Variants in RPS6KA5 observed in about 807,000 individuals in gnomAD.
RPS6KA5 encodes ribosomal protein S6 kinase alpha-5.
In RPS6KA5, 27 loss-of-function variants were observed where a neutral mutation model predicts 85.5. The ratio of observed to expected loss-of-function variants is 0.32; its 90% CI spans 0.23 to 0.44. RPS6KA5 has a LOEUF of 0.44. Ranked by LOEUF, RPS6KA5 falls within the 20% of genes least tolerant of loss-of-function variation. The pLI, the probability that RPS6KA5 is intolerant of heterozygous loss-of-function variation, is 1.00. For synonymous variants in RPS6KA5, 334 were observed against 348.2 expected, an observed-to-expected ratio of 0.96 and a Z score of 0.46; for missense variants, 811 against 980.9, an observed-to-expected ratio of 0.83 and a Z score of 2.31.
At chr14:90,975,631 T>C (rs1416514449) in intron 3 of RPS6KA5, among the ~76,000 whole-genome samples, 1 of 152,190 alleles carries the variant, frequency 6.6e-6, no homozygotes. Flanking sequence ...CAGCCTCCAG[T>C]ACTGTGAGAA....
rs1461010528 is a variant in RPS6KA5, at chr14:90,923,194, A to T, written c.621T>A (p.Thr207=). 8.7e-6 allele frequency: 14 copies of T among 1,610,696 alleles called. No homozygotes were observed. Among genetic ancestry groups the T allele is most frequent in the Non-Finnish European group, 7.6e-6 (9 of 1,177,620 alleles). Residue 207 remains threonine (T), a splice_region_variant and synonymous_variant, in exon 6 of 17, where the codon ACT becomes ACA. Coordinates refer to ENST00000614987, the MANE Select transcript of RPS6KA5 (RefSeq NM_004755.4). ...GLSKEFVADE[T]ERAYSFCGTI... ...TTCCACAAAAGGAATATGCTCTTTC[A>T]GTCTTGAACAAACAAACAAAAAAGG...
intron 2 of RPS6KA5, among the ~76,000 whole-genome samples, chr14:90,999,600 G>A (rs1354016410): frequency 6.6e-6 from 1 of 152,224 alleles, no homozygotes; most frequent in Admixed American, 6.5e-5. Flanking sequence ...AGCGGTGGCT[G>A]CAGAGCAACA....
intron 1 of RPS6KA5, among the ~76,000 whole-genome samples, chr14:91,045,859 C>T (rs182188635): frequency 2.0e-5 from 3 of 152,254 alleles, no homozygotes; most frequent in Admixed American, 2.0e-4. Context: ...CTTCTCAGCC[C>T]CATTTCCTGT....
intron 1 of RPS6KA5, among the ~76,000 whole-genome samples, chr14:91,026,263 C>G (rs918986929): frequency 6.6e-6 from 1 of 152,102 alleles, no homozygotes; most frequent in African/African-American, 2.4e-5. Context: ...TTTGTTCTCA[C>G]TCTGTTGCCC....
rs1673618576 is a variant in RPS6KA5 at position 90,858,282 on chromosome 14, A to G, written c.*13792T>C. 6.6e-6 allele frequency: 1 copy of G among 152,224 alleles called. No individual in the cohort carries two copies. The highest frequency in any genetic ancestry group is 2.4e-5 in the African/African-American group (1 of 41,466). 9.4% of individuals were successfully genotyped at this position (152,224 alleles called of 1,614,324 possible). A position where few individuals can be genotyped will look rare whatever the true frequency, so the allele number is the denominator to read the frequency against. ...GTTATTTCTAAACAGATCTAGTATC[A>G]GAAGCATCTGAATCATCAAAATCAT... On this transcript the variant is annotated 3_prime_UTR_variant, in exon 17 of 17. Coordinates refer to ENST00000614987, the MANE Select transcript of RPS6KA5 (RefSeq NM_004755.4).
At chr14:91,030,472 T>C (rs2042140762) in intron 1 of RPS6KA5, among the ~76,000 whole-genome samples, 2 of 151,524 alleles carry the variant, frequency 1.3e-5, no homozygotes, top group South Asian at 4.2e-4. Flanking sequence ...GAGCTCCCGG[T>C]GAAAAACTAT....
At chr14:90,913,914 A>G (rs2035965712) in intron 7 of RPS6KA5, among the ~76,000 whole-genome samples, 1 of 152,220 alleles carries the variant, frequency 6.6e-6, no homozygotes, top group South Asian at 2.1e-4. Context: ...AGAGGCAGAG[A>G]GCAGCAGTCA....
At chr14:91,034,951 G>C (rs2042340014) in intron 1 of RPS6KA5, among the ~76,000 whole-genome samples, 1 of 152,008 alleles carries the variant, frequency 6.6e-6, no homozygotes, top group Admixed American at 6.6e-5. Context: ...TGCTGGTTTA[G>C]AGGTGTTCAC....
chr14:90,875,823 G>A (rs947544439), intron 14 of RPS6KA5, among the ~76,000 whole-genome samples: 16 of 146,114 alleles, frequency 1.1e-4, no homozygotes, highest in African/African-American at 4.0e-4. Context: ...AACACCACAT[G>A]TTCTCACTCA....
intron 1 of RPS6KA5, among the ~76,000 whole-genome samples, chr14:91,024,947 T>A (rs1290699633): frequency 6.6e-6 from 1 of 152,122 alleles, no homozygotes; most frequent in African/African-American, 2.4e-5. Context: ...AGTGGTGTGA[T>A]CTCAGCTCAC....
rs1404322469 is a variant in RPS6KA5, at chr14:90,860,038, A to AC, written c.*12035dup. The AC allele has an allele frequency of 2.6e-5, 4 of 152,202 alleles. No homozygotes were observed. The highest frequency in any genetic ancestry group is 5.9e-5 in the Non-Finnish European group (4 of 68,038). The allele number at this position is 152,202 out of a possible 1,614,324, so 9.4% of individuals were successfully genotyped here. ...GACAGGTTGATGGGTGCAGCAAACC[A>AC]CCAGGGCACGTGTATACCTATGTAA... On this transcript the variant is annotated 3_prime_UTR_variant, in exon 17 of 17. Coordinates refer to ENST00000614987, the MANE Select transcript of RPS6KA5 (RefSeq NM_004755.4).
chr14:90,927,453 A>G (rs2036734228), intron 5 of RPS6KA5, among the ~76,000 whole-genome samples: 1 of 152,172 alleles, frequency 6.6e-6, no homozygotes, highest in African/African-American at 2.4e-5. Context: ...TATGTTATTT[A>G]TAAAAGGCAC....
chr14:91,024,970 C>T (rs2041931310), intron 1 of RPS6KA5, among the ~76,000 whole-genome samples: 1 of 152,056 alleles, frequency 6.6e-6, no homozygotes, highest in African/African-American at 2.4e-5. Context: ...CAACCTCTGC[C>T]TCCTGGGTTG....
intron 1 of RPS6KA5, among the ~76,000 whole-genome samples, chr14:91,041,195 C>G (rs567545742): frequency 6.6e-6 from 1 of 152,312 alleles, no homozygotes; most frequent in South Asian, 2.1e-4. Context: ...GTGCAAAGCA[C>G]AATCTGACTC....
intron 1 of RPS6KA5, among the ~76,000 whole-genome samples, chr14:91,056,184 C>G (rs2043310137): frequency 1.3e-5 from 2 of 152,196 alleles, no homozygotes; most frequent in South Asian, 4.1e-4. Flanking sequence ...CTTCCTCGAC[C>G]TTCTCCTCAA....
chr14:90,985,522 T>C (rs2140507654), intron 2 of RPS6KA5, among the ~76,000 whole-genome samples: 1 of 152,374 alleles, frequency 6.6e-6, no homozygotes, highest in Middle Eastern at 3.4e-3. Context: ...CAATGTTTTC[T>C]TTCACTCAAA....
intron 1 of RPS6KA5, among the ~76,000 whole-genome samples, chr14:91,038,584 G>C (rs1327991623): frequency 6.6e-6 from 1 of 152,204 alleles, no homozygotes; most frequent in Non-Finnish European, 1.5e-5. Flanking sequence ...GCTGATGGCA[G>C]TGATGCAACA....
intron 1 of RPS6KA5, among the ~76,000 whole-genome samples, chr14:91,044,163 G>A (rs1266849111): frequency 6.6e-6 from 1 of 151,656 alleles, no homozygotes; most frequent in Non-Finnish European, 1.5e-5. Flanking sequence ...GGAGGTGGAG[G>A]CTGCAGTGAG....
intron 2 of RPS6KA5, among the ~76,000 whole-genome samples, chr14:90,995,031 C>G (rs1023992492): frequency 2.0e-5 from 3 of 152,026 alleles, no homozygotes; most frequent in African/African-American, 7.2e-5. Flanking sequence ...TTCATACTTG[C>G]TTGTGTGTGG....
Sources: gnomAD v4.1 joint callset for allele counts (sites outside exome capture counted in the v4.1 genomes callset) on GRCh38, gnomAD v4.1.1 for gene constraint, MANE v1.5 for transcripts, NCBI Gene and HGNC (gene_info 2026-07-23, HGNC 2026-07-21) for gene names.